The following ADAM19 variants were observed in gnomAD, a reference collection of about 807,000 sequenced individuals.
ADAM19 encodes disintegrin and metalloproteinase domain-containing protein 19.
A neutral mutation model predicts 114.7 loss-of-function variants in ADAM19; 65 were observed. The ratio of observed to expected loss-of-function variants is 0.57; its 90% CI spans 0.46 to 0.70. ADAM19 has a LOEUF of 0.70. Ranked by LOEUF, ADAM19 falls within the 30% of genes least tolerant of loss-of-function variation. ADAM19 has a pLI of 0.00. For missense variants in ADAM19, 1,063 were observed against 1,204.7 expected (o/e 0.88, Z 1.74); for synonymous variants, 466 against 460.5 (o/e 1.01, Z -0.15).
At chr5:157,522,791 G>GA (rs1041245887) in intron 5 of ADAM19, among the ~76,000 whole-genome samples, 567 of 150,486 alleles carry the variant, frequency 3.8e-3, no homozygotes, top group African/African-American at 0.012. Flanking sequence ...ATCTCCAAAA[G>GA]AAAAAAAAAT....
chr5:157,551,105 C>T (rs1433071593), intron 3 of ADAM19, among the ~76,000 whole-genome samples: 2 of 152,188 alleles, frequency 1.3e-5, no homozygotes, highest in Non-Finnish European at 1.5e-5. Context: ...GGATTAAAGA[C>T]TTAAATCTAA....
In ADAM19 at chr5:157,481,747, C is replaced by T. The variant is rs765585934; in HGVS notation, c.2703+44G>A. The T allele has an allele frequency of 1.6e-5, 25 of 1,554,052 alleles. No homozygotes were observed. The South Asian group carries it at 3.0e-4, about 18-fold the overall frequency. ...AACTCTACACCTGCCCCCCTGGAGC[C>T]CTCTGGTACCAGCTTTCACCTTGAG... On this transcript the variant is annotated intron_variant, in intron 22 of 22. Transcript: ENST00000257527.
At chr5:157,495,140 C>G (rs1054672121) in intron 14 of ADAM19, among the ~76,000 whole-genome samples, 8 of 152,108 alleles carry the variant, frequency 5.3e-5, no homozygotes, top group Admixed American at 3.9e-4. Context: ...AAGCACCCAC[C>G]ACCATGACTG....
chr5:157,526,774 C>T (rs1756476662), intron 5 of ADAM19, among the ~76,000 whole-genome samples: 3 of 152,118 alleles, frequency 2.0e-5, no homozygotes, highest in Admixed American at 2.0e-4. Context: ...GCATGCAACA[C>T]CACACATGGC....
intron 10 of ADAM19, among the ~76,000 whole-genome samples, chr5:157,506,170 C>A (rs1422896884): frequency 6.6e-6 from 1 of 152,150 alleles, no homozygotes; most frequent in Non-Finnish European, 1.5e-5. Context: ...GAAAACACGA[C>A]CTTGATTCAA....
intron 12 of ADAM19, 145 bp from the exon 13 acceptor site, chr5:157,499,807 C>T (rs1230987511): frequency 5.5e-5 from 33 of 601,754 alleles, no homozygotes; most frequent in Non-Finnish European, 8.5e-5. Flanking sequence ...GAGGGAGTCT[C>T]GATCTGTCAC....
chr5:157,505,597 A>T (rs750413395), intron 11 of ADAM19, 72 bp downstream of exon 11: 3 of 1,519,988 alleles, frequency 2.0e-6, no homozygotes, highest in East Asian at 2.4e-5. Context: ...GCCAGCTGGG[A>T]GGAACCCCTG....
At chr5:157,521,236 A>G (rs143756425) in intron 5 of ADAM19, among the ~76,000 whole-genome samples, 2 of 152,336 alleles carry the variant, frequency 1.3e-5, no homozygotes, top group African/African-American at 4.8e-5. Flanking sequence ...ATATCTGCCA[A>G]CCTTGATACA....
intron 2 of ADAM19, among the ~76,000 whole-genome samples, 181 bp from the exon 3 acceptor site, chr5:157,564,624 C>A (rs1205293748): frequency 3.3e-5 from 5 of 152,190 alleles, no homozygotes; most frequent in Non-Finnish European, 7.3e-5. Flanking sequence ...AAATCCTTCC[C>A]CCATCTGCTT....
rs11466803 is a variant in ADAM19 at position 157,488,315 on chromosome 5, G to C, written c.2500C>G (p.Pro834Ala). ...QIERTESSRR[P>A]PPSRPIPPAP... is the part of the protein sequence containing the mutation. ...GGGGGAATTGGCCGGCTTGGAGGAGGCCTCCTGGACGACTCCGTCCTCTCT... is the reference window on the plus strand; with the variant it reads ...GGGGGAATTGGCCGGCTTGGAGGAGCCCTCCTGGACGACTCCGTCCTCTCT... Residue 834 changes from proline to alanine, a missense_variant, in exon 21 of 23, where the codon CCT becomes GCT. Around this residue, in one of 3 missense-constraint regions of ADAM19, gnomAD observed 424 missense variants for 445.5 expected, o/e 0.95. Transcript: ENST00000257527. 6.3e-3 allele frequency: 10,125 copies of C among 1,614,158 alleles called. 59 individuals carry two copies. The highest frequency in any genetic ancestry group is 7.4e-3 in the Non-Finnish European group (8,733 of 1,179,996).
chr5:157,568,748 T>C (rs1252721702), intron 2 of ADAM19: 1 of 152,094 alleles, frequency 6.6e-6, no homozygotes, highest in Non-Finnish European at 1.5e-5. Context: ...AAGAAAAAAA[T>C]GTTTAATGAG....
chr5:157,496,687 C>T (rs2113706399), intron 14 of ADAM19, among the ~76,000 whole-genome samples: 1 of 152,284 alleles, frequency 6.6e-6, no homozygotes, highest in South Asian at 2.1e-4. Context: ...TTCAATTGTC[C>T]ACTCTGAGAA....
intron 12 of ADAM19, among the ~76,000 whole-genome samples, chr5:157,500,838 C>G (rs1219709005): frequency 6.6e-6 from 1 of 152,136 alleles, no homozygotes; most frequent in African/African-American, 2.4e-5. Context: ...ATTAACAGGC[C>G]AATCCATCAG....
At chr5:157,496,777 G>C (rs1276198521) in intron 14 of ADAM19, 117 bp downstream of exon 14, 2 of 836,896 alleles carry the variant, frequency 2.4e-6, no homozygotes, top group Admixed American at 3.8e-5. Flanking sequence ...GGGGATGAAA[G>C]AGGTAGTATC....
chr5:157,505,321 G>A (rs540078173), intron 11 of ADAM19, among the ~76,000 whole-genome samples: 1 of 151,870 alleles, frequency 6.6e-6, no homozygotes, highest in African/African-American at 2.4e-5. Flanking sequence ...AACTCTCTTG[G>A]GATAGAAGAA....
At chr5:157,544,670 T>G (rs1426924368) in intron 3 of ADAM19, among the ~76,000 whole-genome samples, 2 of 152,232 alleles carry the variant, frequency 1.3e-5, no homozygotes. Flanking sequence ...CAAATTTGTT[T>G]TCCAGTGTCC....
intron 1 of ADAM19, among the ~76,000 whole-genome samples, chr5:157,572,704 G>T (rs182443857): frequency 1.5e-4 from 23 of 152,252 alleles, no homozygotes; most frequent in African/African-American, 5.5e-4. Flanking sequence ...TTAACTATGT[G>T]CCAAGTACTA....
intron 5 of ADAM19, among the ~76,000 whole-genome samples, chr5:157,527,081 T>C (rs886302526): frequency 3.9e-5 from 6 of 152,204 alleles, no homozygotes; most frequent in African/African-American, 1.4e-4. Context: ...AGAGGTTTAA[T>C]TGACTCACAG....
chr5:157,486,614 C>T (rs1754941809), intron 21 of ADAM19, among the ~76,000 whole-genome samples: 1 of 152,092 alleles, frequency 6.6e-6, no homozygotes, highest in Admixed American at 6.5e-5. Context: ...GCCCCGTGTT[C>T]TCTGAACATG....
Sources: allele counts gnomAD v4.1 joint callset (sites outside exome capture counted in the v4.1 genomes callset), GRCh38; gene constraint gnomAD v4.1.1; regional missense constraint gnomAD v4.1.1; transcripts MANE v1.5; gene names NCBI Gene and HGNC (gene_info 2026-07-23, HGNC 2026-07-21).